CNTN4: variants seen among roughly 807,000 people sequenced by gnomAD.
The protein encoded by CNTN4 is contactin-4.
Under a neutral mutation model 122.5 loss-of-function variants are expected in CNTN4, and 77 were observed. That is an observed-to-expected ratio of 0.63 (90% CI 0.52 to 0.76). The LOEUF (loss-of-function observed/expected upper bound fraction) is 0.76, where lower values mean the gene tolerates loss of function less well. Ranked by LOEUF, CNTN4 falls within the 30% of genes least tolerant of loss-of-function variation. The pLI is 0.00. For missense variants in CNTN4, 1,256 were observed against 1,259.1 expected (o/e 1.00, Z 0.04); for synonymous variants, 512 against 447.0 (o/e 1.15, Z -1.83).
chr3:2,303,345 C>G (rs1021992664), intron 2 of CNTN4, among the ~76,000 whole-genome samples: 1 of 152,202 alleles, frequency 6.6e-6, no homozygotes, highest in Admixed American at 6.5e-5. Context: ...CCCTGCCCCC[C>G]AAAATTGCTT....
At chr3:2,781,817 C>T (rs796825866) in intron 6 of CNTN4, among the ~76,000 whole-genome samples, 1 of 136,026 alleles carries the variant, frequency 7.4e-6, no homozygotes, top group South Asian at 2.3e-4. Flanking sequence ...CTCCGCCTCC[C>T]GGGTTCCCGC....
At chr3:2,587,923 C>G (rs1448382173) in intron 4 of CNTN4, among the ~76,000 whole-genome samples, 1 of 152,006 alleles carries the variant, frequency 6.6e-6, no homozygotes, top group Non-Finnish European at 1.5e-5. Context: ...ATCACTCTGC[C>G]TCTCAGGATT....
rs1483488958 is a variant in CNTN4 at position 2,269,991 on chromosome 3, G to A, written c.-144-69187G>A. Among the ~76,000 whole-genome samples, 2 of 43,928 alleles carry A rather than the reference G, an allele frequency of 4.6e-5. 1 individual carries two copies. The highest frequency in any genetic ancestry group is 1.2e-4 in the Non-Finnish European group (2 of 16,580). The allele number at this position is 43,928 out of a possible 152,430, so 28.8% of individuals were successfully genotyped here. The stretch of plus-strand genomic sequence containing the variant: ...GGAGTCTCGCTCTGTCGCCCAGGCC[G>A]GACTGCGGACTGCAGTGGCGCAATC... On this transcript the variant is annotated intron_variant, in intron 2 of 24. Coordinates refer to ENST00000418658, the MANE Select transcript of CNTN4 (RefSeq NM_175607.3).
intron 14 of CNTN4, among the ~76,000 whole-genome samples, chr3:3,021,651 C>A (rs1698300808): frequency 6.6e-6 from 1 of 152,106 alleles, no homozygotes; most frequent in Non-Finnish European, 1.5e-5. Context: ...CTGATAGGCA[C>A]CAAGTGAATA....
chr3:2,110,191 T>C (rs2032832205), intron 2 of CNTN4, among the ~76,000 whole-genome samples: 1 of 152,242 alleles, frequency 6.6e-6, no homozygotes, highest in Non-Finnish European at 1.5e-5. Context: ...TGAATCCTTG[T>C]TTTGTCTCTT....
intron 3 of CNTN4, among the ~76,000 whole-genome samples, chr3:2,433,922 A>G (rs892609228): frequency 2.0e-5 from 3 of 152,190 alleles, no homozygotes; most frequent in Admixed American, 6.5e-5. Flanking sequence ...GACAAATACC[A>G]TATGATTTGA....
intron 8 of CNTN4, among the ~76,000 whole-genome samples, chr3:2,881,548 T>A (rs2093910407): frequency 1.3e-5 from 2 of 148,778 alleles, no homozygotes; most frequent in Admixed American, 1.3e-4. Flanking sequence ...AGGGCCCACC[T>A]CTGCGAAGTG....
intron 7 of CNTN4, among the ~76,000 whole-genome samples, chr3:2,848,848 G>T (rs2093498954): frequency 6.6e-6 from 1 of 152,228 alleles, no homozygotes; most frequent in Non-Finnish European, 1.5e-5. Flanking sequence ...GTGCTGGATA[G>T]AAAATGCTGA....
chr3:2,742,638 C>T (rs974557688), intron 5 of CNTN4, among the ~76,000 whole-genome samples: 1 of 152,140 alleles, frequency 6.6e-6, no homozygotes, highest in Admixed American at 6.5e-5. Flanking sequence ...TTTGGTTGTG[C>T]ACAACCCCAC....
intron 3 of CNTN4, among the ~76,000 whole-genome samples, chr3:2,521,343 T>TCGGCCCCCCCCCCCCCCCCCC (rs781282977): frequency 7.8e-6 from 1 of 128,304 alleles, no homozygotes; most frequent in Admixed American, 8.2e-5. Context: ...CCTCTACCCA[T>TCGGCCCCCCCCCCCCCCCCCC]CCCCCCCACC....
chr3:2,585,784 C>G (rs971502650), intron 4 of CNTN4, among the ~76,000 whole-genome samples: 11 of 148,554 alleles, frequency 7.4e-5, no homozygotes, highest in African/African-American at 2.7e-4. Flanking sequence ...CACACGTATA[C>G]ATATGTAACA....
At chr3:2,605,950 G>T (rs2081239365) in intron 4 of CNTN4, among the ~76,000 whole-genome samples, 1 of 152,166 alleles carries the variant, frequency 6.6e-6, no homozygotes, top group Non-Finnish European at 1.5e-5. Context: ...AATGATGTAA[G>T]TGGCTACGTT....
At chr3:2,377,269 C>G (rs938988386) in intron 3 of CNTN4, among the ~76,000 whole-genome samples, 16 of 152,108 alleles carry the variant, frequency 1.1e-4, no homozygotes, top group African/African-American at 3.9e-4. Context: ...AGTAGCTCCT[C>G]TCCCTAATAG....
At chr3:2,949,313 G>A (rs540415147) in intron 13 of CNTN4, among the ~76,000 whole-genome samples, 1 of 152,160 alleles carries the variant, frequency 6.6e-6, no homozygotes, top group Non-Finnish European at 1.5e-5. Flanking sequence ...TGGAAAGTTA[G>A]CTGAATTCCT....
At chr3:2,969,014 TG>T (rs1692609476) in intron 13 of CNTN4, among the ~76,000 whole-genome samples, 1 of 152,024 alleles carries the variant, frequency 6.6e-6, no homozygotes, top group Non-Finnish European at 1.5e-5. Flanking sequence ...TCATTTTAAG[TG>T]TACAACGCAA....
At chr3:2,287,614 GAGAAGGAGA>G (rs1269207444) in intron 2 of CNTN4, among the ~76,000 whole-genome samples, 999 of 58,980 alleles carry the variant, frequency 0.017, 19 homozygotes, top group African/African-American at 0.05. Context: ...AGAAAAGAAG[GAGAAGGAGA>G]AGGAGAAGGA....
chr3:2,271,636 C>T (rs12107918), intron 2 of CNTN4, among the ~76,000 whole-genome samples: 81,633 of 151,838 alleles, frequency 0.54, 22,579 homozygotes, highest in South Asian at 0.68. Flanking sequence ...AAACAGCCAA[C>T]TGAGACTTTT....
intron 4 of CNTN4, among the ~76,000 whole-genome samples, chr3:2,607,065 A>C (rs955044624): frequency 1.3e-5 from 2 of 152,200 alleles, no homozygotes; most frequent in African/African-American, 4.8e-5. Flanking sequence ...TTCTTGATAC[A>C]GTGCTACTTC....
chr3:2,495,822 G>C lies in CNTN4; in HGVS notation c.-88-75594G>C, dbSNP rs1348159867. Among the ~76,000 whole-genome samples, 9 of 152,082 alleles carry C rather than the reference G, an allele frequency of 5.9e-5. No individual in the cohort carries two copies. In the South Asian group the frequency reaches 1.5e-3, roughly 25 times the overall value. On this transcript the variant is annotated intron_variant, in intron 3 of 24. Coordinates refer to ENST00000418658, the MANE Select transcript of CNTN4 (RefSeq NM_175607.3). ...CAGTCCCTGCTGCCAAAAAGGTTGG[G>C]GACCACTGGTTGAAAACATAGGAAA...
Sources: gnomAD v4.1 joint callset for allele counts (sites outside exome capture counted in the v4.1 genomes callset) on GRCh38, gnomAD v4.1.1 for gene constraint, MANE v1.5 for transcripts, NCBI Gene and HGNC (gene_info 2026-07-23, HGNC 2026-07-21) for gene names.